GPC6: variants seen among roughly 807,000 people sequenced by gnomAD.
GPC6 encodes the protein glypican 6.
In GPC6, 14 loss-of-function variants were observed where a neutral mutation model predicts 55.2. The observed-to-expected ratio is 0.25, with a 90% CI of 0.17 to 0.40. The LOEUF (loss-of-function observed/expected upper bound fraction) is 0.40, where lower values mean the gene tolerates loss of function less well. GPC6 is among the 10% of genes least tolerant of loss of function. The probability of loss-of-function intolerance (pLI) is 1.00; values close to 1 mark genes in which losing one functional copy is unlikely to be tolerated. For missense variants in GPC6, 641 were observed against 708.5 expected, an observed-to-expected ratio of 0.90 and a Z score of 1.08; for synonymous variants, 278 against 259.6, an observed-to-expected ratio of 1.07 and a Z score of -0.68.
intron 2 of GPC6, among the ~76,000 whole-genome samples, chr13:93,723,814 T>C (rs954214068): frequency 6.6e-6 from 1 of 151,960 alleles, no homozygotes; most frequent in African/African-American, 2.4e-5. Context: ...AATAAGAAAG[T>C]CAGAGGTAGC....
intron 2 of GPC6, among the ~76,000 whole-genome samples, chr13:93,629,048 A>C (rs1217952298): frequency 5.8e-5 from 3 of 51,488 alleles, no homozygotes; most frequent in Non-Finnish European, 2.0e-4. Flanking sequence ...AAAAAAAAAA[A>C]CAAAAAAAAC....
chr13:94,119,464 G>T (rs1719620524), intron 4 of GPC6, among the ~76,000 whole-genome samples: 1 of 152,048 alleles, frequency 6.6e-6, no homozygotes, highest in Admixed American at 6.6e-5. Flanking sequence ...CAATAGGGCA[G>T]GGGTTGTGGG....
chr13:93,930,396 C>T (rs921335343), intron 3 of GPC6, among the ~76,000 whole-genome samples: 2 of 151,216 alleles, frequency 1.3e-5, no homozygotes, highest in African/African-American at 2.4e-5. Context: ...TTCAGCCTCC[C>T]GAGTAGCTGG....
At chr13:93,409,617 C>A (rs760127451) in intron 1 of GPC6, among the ~76,000 whole-genome samples, 10 of 152,150 alleles carry the variant, frequency 6.6e-5, no homozygotes, top group Non-Finnish European at 1.5e-4. Context: ...TGGCCTGGAA[C>A]CTTTTGTTGT....
At chr13:93,354,299 T>G (rs1880748121) in intron 1 of GPC6, among the ~76,000 whole-genome samples, 1 of 151,892 alleles carries the variant, frequency 6.6e-6, no homozygotes, top group African/African-American at 2.4e-5. Context: ...CAAGATAACC[T>G]TAATATAATT....
intron 5 of GPC6, among the ~76,000 whole-genome samples, chr13:94,289,190 A>T (rs898063102): frequency 6.6e-6 from 1 of 151,698 alleles, no homozygotes; most frequent in East Asian, 1.9e-4. Flanking sequence ...TAAGAAATGG[A>T]CCCATTTCAA....
At chr13:93,605,459 A>T (rs368514982) in intron 2 of GPC6, among the ~76,000 whole-genome samples, 2 of 152,170 alleles carry the variant, frequency 1.3e-5, no homozygotes, top group Non-Finnish European at 2.9e-5. Flanking sequence ...GCTGATTTCT[A>T]TATCAGGATA....
At chr13:93,385,071 G>A (rs1875339607) in intron 1 of GPC6, among the ~76,000 whole-genome samples, 2 of 152,208 alleles carry the variant, frequency 1.3e-5, no homozygotes, top group African/African-American at 2.4e-5. Context: ...TGGGAAAAGG[G>A]TGTTAAGGAA....
chr13:94,108,090 A>G (rs562414809), intron 4 of GPC6, among the ~76,000 whole-genome samples: 1 of 152,164 alleles, frequency 6.6e-6, no homozygotes, highest in African/African-American at 2.4e-5. Flanking sequence ...TTAAACATGC[A>G]TGTTTATAGT....
chr13:94,184,933 C>T lies in GPC6; in HGVS notation c.878-101416C>T, dbSNP rs1027947564. Among the ~76,000 whole-genome samples the T allele has an allele frequency of 3.9e-5, 6 of 152,040 alleles. No homozygotes were observed. The South Asian group carries it at 8.3e-4, about 21-fold the overall frequency. ...TGGACTGGATAAAGAAGGTGTGGTACATATATACCATGAAATATTATGCAA... is the reference window on the plus strand; with the variant it reads ...TGGACTGGATAAAGAAGGTGTGGTATATATATACCATGAAATATTATGCAA... On this transcript the variant is annotated intron_variant, in intron 4 of 8. Transcript: ENST00000377047.
intron 4 of GPC6, among the ~76,000 whole-genome samples, chr13:94,242,146 C>A (rs1395860203): frequency 2.0e-5 from 3 of 151,950 alleles, no homozygotes; most frequent in Non-Finnish European, 4.4e-5. Context: ...TCAATCCCCA[C>A]CTATGAGTGA....
intron 2 of GPC6, among the ~76,000 whole-genome samples, chr13:93,734,510 C>A (rs538930277): frequency 1.3e-5 from 2 of 152,232 alleles, no homozygotes; most frequent in East Asian, 3.9e-4. Context: ...CACTGGGGCA[C>A]TTAAAATTCA....
intron 1 of GPC6, among the ~76,000 whole-genome samples, chr13:93,336,442 T>C (rs2139143610): frequency 6.6e-6 from 1 of 152,316 alleles, no homozygotes; most frequent in African/African-American, 2.4e-5. Context: ...CAAAAATTAA[T>C]AAGCTTTAAT....
intron 1 of GPC6, among the ~76,000 whole-genome samples, chr13:93,520,664 G>A (rs1881379118): frequency 6.6e-6 from 1 of 151,758 alleles, no homozygotes; most frequent in South Asian, 2.1e-4. Flanking sequence ...ATGTTCTTTT[G>A]GTGATTTTCT....
chr13:94,127,323 G>C (rs1010940901), intron 4 of GPC6, among the ~76,000 whole-genome samples: 8 of 152,216 alleles, frequency 5.3e-5, no homozygotes, highest in African/African-American at 1.9e-4. Flanking sequence ...GATCCCTCAT[G>C]GCTTGGTGCT....
intron 2 of GPC6, among the ~76,000 whole-genome samples, chr13:93,689,316 GAT>G (rs1263961510): frequency 6.6e-6 from 1 of 152,056 alleles, no homozygotes; most frequent in Non-Finnish European, 1.5e-5. Flanking sequence ...CTACTTCTCA[GAT>G]ATGTTTTTTG....
chr13:93,595,323 A>AT (rs1276199672), intron 2 of GPC6, among the ~76,000 whole-genome samples: 1 of 152,174 alleles, frequency 6.6e-6, no homozygotes, highest in Non-Finnish European at 1.5e-5. Flanking sequence ...TGGTGAATTG[A>AT]TCAAGTACTT....
intron 3 of GPC6, among the ~76,000 whole-genome samples, chr13:93,859,738 T>C (rs946051715): frequency 1.3e-5 from 2 of 151,590 alleles, no homozygotes; most frequent in African/African-American, 4.8e-5. Context: ...GTGAGCTACA[T>C]TGGGAACTGT....
At chr13:94,113,597 C>T (rs1886324812) in intron 4 of GPC6, among the ~76,000 whole-genome samples, 1 of 151,900 alleles carries the variant, frequency 6.6e-6, no homozygotes, top group African/African-American at 2.4e-5. Flanking sequence ...CAAACTGCAG[C>T]TTTAGCTAAT....
Sources: allele counts gnomAD v4.1 joint callset (sites outside exome capture counted in the v4.1 genomes callset), GRCh38; gene constraint gnomAD v4.1.1; transcripts MANE v1.5; gene names NCBI Gene and HGNC (gene_info 2026-07-23, HGNC 2026-07-21).